SHISA7: variants seen among roughly 807,000 people sequenced by gnomAD.
SHISA7 encodes shisa family member 7.
SHISA7 carries 6 observed loss-of-function variants against 23.9 expected under a neutral mutation model. That is an observed-to-expected ratio of 0.25 (90% confidence interval 0.14 to 0.50). The LOEUF is 0.50. Among genes scored for constraint, SHISA7 ranks in the 20% least tolerant of loss-of-function variants. The probability of loss-of-function intolerance (pLI) is 0.98; values close to 1 mark genes in which losing one functional copy is unlikely to be tolerated. For missense variants in SHISA7, 671 were observed against 801.1 expected, an observed-to-expected ratio of 0.84 and a Z score of 1.96; for synonymous variants, 386 against 398.3, an observed-to-expected ratio of 0.97 and a Z score of 0.37.
chr19:55,435,331 GGTGT>G (rs1243251648), intron 3 of SHISA7, among the ~76,000 whole-genome samples: 2 of 123,388 alleles, frequency 1.6e-5, no homozygotes, highest in Non-Finnish European at 3.4e-5. Context: ...GGGTGTGTGT[GGTGT>G]GTGTGTATGG....
chr19:55,430,383 G>T lies in SHISA7; in HGVS notation c.*2773C>A, dbSNP rs1039386647. On this transcript the variant is annotated 3_prime_UTR_variant, in exon 4 of 4. Coordinates refer to ENST00000376325, the MANE Select transcript of SHISA7 (RefSeq NM_001145176.2). ...CAACTGTAAGTACCATGCGGCCCCAGAGGACAACTGAAATACAGCCCGTCA... is the reference window on the plus strand; with the variant it reads ...CAACTGTAAGTACCATGCGGCCCCATAGGACAACTGAAATACAGCCCGTCA... The T allele has an allele frequency of 2.6e-5, 4 of 152,254 alleles. No homozygotes were observed. Among genetic ancestry groups the T allele is most frequent in the Non-Finnish European group, 5.9e-5 (4 of 68,064 alleles). The allele number at this position is 152,254 out of a possible 1,614,324, so 9.4% of individuals were successfully genotyped here.
At position 55,433,010 on chromosome 19, in the gene SHISA7, G is replaced by C; in HGVS notation, c.*146C>G. 1 of 996,676 alleles carries C rather than the reference G, an allele frequency of 1.0e-6. No individual in the cohort carries two copies. The highest frequency in any genetic ancestry group is 1.4e-6 in the Non-Finnish European group (1 of 725,928). The allele number at this position is 996,676 out of a possible 1,614,324, so 61.7% of individuals were successfully genotyped here. ...AGTAATAGGAGGAGGAATCTTGTCT[G>C]CCAGGACATCCCAGAAGGAGGCTTT... On this transcript the variant is annotated 3_prime_UTR_variant, in exon 4 of 4. Coordinates refer to ENST00000376325, the MANE Select transcript of SHISA7 (RefSeq NM_001145176.2). The surrounding 1 kb of genome is among the most constrained non-coding windows in gnomAD (Gnocchi z 8.4).
At position 55,433,786 on chromosome 19, in the gene SHISA7, A is replaced by G; in HGVS notation, c.987T>C (p.Asp329=). ...YSSLKRLAEK[D]LDEAYLKRRP... Reference sequence around the variant, plus strand: ...GGCGCTTCAGGTAGGCCTCGTCCAGATCCTTCTCGGCTGCGGGGAGAGGGG... The same window carrying G: ...GGCGCTTCAGGTAGGCCTCGTCCAGGTCCTTCTCGGCTGCGGGGAGAGGGG... The change falls in exon 4 of 4, where the codon GAT becomes GAC. Residue 329 remains aspartate, a synonymous_variant. Transcript: ENST00000376325. This position sits in a 1 kb window ranked among gnomAD's most constrained non-coding sequence, Gnocchi z 8.4. 1.4e-6 allele frequency: 2 copies of G among 1,420,062 alleles called. No homozygotes were observed. Among genetic ancestry groups the G allele is most frequent in the Non-Finnish European group, 1.8e-6 (2 of 1,095,994 alleles). The allele number at this position is 1,420,062 out of a possible 1,614,324, so 88.0% of individuals were successfully genotyped here. A position where few individuals can be genotyped will look rare whatever the true frequency, so the allele number is the denominator to read the frequency against.
chr19:55,433,503 T>A lies in SHISA7; in HGVS notation c.1270A>T (p.Ser424Cys), dbSNP rs1985264362. ...LLSSPEALRQ[S>C]REHLLSPPRS... ...GGGGGCGACAGCAGGTGCTCGCGAC[T>A]CTGGCGCAGGGCCTCGGGCGAGGAC... The change falls in exon 4 of 4, where the codon AGT becomes TGT. Residue 424 changes from serine to cysteine, a missense_variant. Physicochemically the swap from Ser to Cys is moderately radical, Grantham distance 112. Transcript: ENST00000376325. This position sits in a 1 kb window ranked among gnomAD's most constrained non-coding sequence, Gnocchi z 8.4. 4.1e-6 allele frequency: 6 copies of A among 1,459,820 alleles called. No individual in the cohort carries two copies. The highest frequency in any genetic ancestry group is 5.4e-6 in the Non-Finnish European group (6 of 1,112,754). 90.4% of individuals were successfully genotyped at this position (1,459,820 alleles called of 1,614,324 possible). A position where few individuals can be genotyped will look rare whatever the true frequency, so the allele number is the denominator to read the frequency against.
In SHISA7 at chr19:55,437,663, C is replaced by A; in HGVS notation, c.918G>T (p.Pro306=). 1 of 1,551,510 alleles carries A rather than the reference C, an allele frequency of 6.4e-7. No homozygotes were observed. Among genetic ancestry groups the A allele is most frequent in the Non-Finnish European group, 8.7e-7 (1 of 1,146,938 alleles). The change falls in exon 3 of 4, where the codon CCG becomes CCT. Residue 306 remains proline, a synonymous_variant. Transcript: ENST00000376325. ...CGGATTTCACGGCAGCCTCGTAGGA[C>A]GGGGGCAGATGCGAGAGGTTGTGGA... ...RSFHNLSHLP[P]SYEAAVKSEL... is the part of the protein sequence containing the mutation.
Position 55,432,037 on chromosome 19 carries a change from T to G in SHISA7, c.*1119A>C, listed in dbSNP as rs1336165350. 2.6e-5 allele frequency: 4 copies of G among 152,284 alleles called. No individual in the cohort carries two copies. In the East Asian group the frequency reaches 7.7e-4, roughly 29 times the overall value. 9.4% of individuals were successfully genotyped at this position (152,284 alleles called of 1,614,324 possible). A position where few individuals can be genotyped will look rare whatever the true frequency, so the allele number is the denominator to read the frequency against. On this transcript the variant is annotated 3_prime_UTR_variant, in exon 4 of 4. Transcript: ENST00000376325. This position sits in a 1 kb window ranked among gnomAD's most constrained non-coding sequence, Gnocchi z 4.6. ...CACCAATACCGATGGCCTTCCAGAG[T>G]GGGCAGTGCCTCTGAGGAGGAAGCT...
chr19:55,434,140 G>C (rs948808914), intron 3 of SHISA7, among the ~76,000 whole-genome samples: 1 of 152,156 alleles, frequency 6.6e-6, no homozygotes, highest in Admixed American at 6.5e-5. Flanking sequence ...TTGATTTTGC[G>C]GGTAGTGAGC....
In SHISA7 at chr19:55,433,084, C is replaced by T. The variant is rs1985248347; in HGVS notation, c.*72G>A. 7 of 1,447,618 alleles carry T rather than the reference C, an allele frequency of 4.8e-6. No homozygotes were observed. Among genetic ancestry groups the T allele is most frequent in the Non-Finnish European group, 6.3e-6 (7 of 1,105,212 alleles). The allele number at this position is 1,447,618 out of a possible 1,614,324, so 89.7% of individuals were successfully genotyped here. On this transcript the variant is annotated 3_prime_UTR_variant, in exon 4 of 4. Transcript: ENST00000376325. This position sits in a 1 kb window ranked among gnomAD's most constrained non-coding sequence, Gnocchi z 8.4. ...GGGCCCCAGGCCCCTGGCATGTGTG[C>T]GCCTGTGTCGGGGGATCCAGGCTGG...
chr19:55,438,444 C>A, intron 2 of SHISA7: 1 of 909,128 alleles, frequency 1.1e-6, no homozygotes, highest in Non-Finnish European at 1.6e-6. Flanking sequence ...GCCATGAGGA[C>A]TGGGCTCACA....
intron 1 of SHISA7, among the ~76,000 whole-genome samples, chr19:55,441,168 C>T (rs976285765): frequency 3.9e-5 from 6 of 152,122 alleles, no homozygotes; most frequent in Admixed American, 3.9e-4. Flanking sequence ...ACCTTCATAC[C>T]TTTCAGCAAT....
intron 2 of SHISA7, among the ~76,000 whole-genome samples, chr19:55,440,375 C>G (rs759397596): frequency 2.0e-5 from 3 of 152,224 alleles, no homozygotes; most frequent in Non-Finnish European, 4.4e-5. Flanking sequence ...CACCAAGGTG[C>G]CCATGGAGCC....
rs757035877 is a variant in SHISA7 at position 55,432,405 on chromosome 19, C to G, written c.*751G>C. 3 of 152,558 alleles carry G rather than the reference C, an allele frequency of 2.0e-5. No homozygotes were observed. The highest frequency in any genetic ancestry group is 4.4e-5 in the Non-Finnish European group (3 of 68,032). The allele number at this position is 152,558 out of a possible 1,614,324, so 9.5% of individuals were successfully genotyped here. A position where few individuals can be genotyped will look rare whatever the true frequency, so the allele number is the denominator to read the frequency against. ...GGTGATGACATCACAGGAAGAGGCA[C>G]GGTCCCTCTGATGACGTCATAGGGC... On this transcript the variant is annotated 3_prime_UTR_variant, in exon 4 of 4. Transcript: ENST00000376325. This position sits in a 1 kb window ranked among gnomAD's most constrained non-coding sequence, Gnocchi z 4.6.
chr19:55,442,228 A>T lies in SHISA7; in HGVS notation c.636T>A (p.Arg212=), dbSNP rs1373885490. The T allele has an allele frequency of 6.5e-7, 1 of 1,533,760 alleles. No individual in the cohort carries two copies. The highest frequency in any genetic ancestry group is 2.0e-5 in the Admixed American group (1 of 50,908). ...TGATATCCCGGTGCGCCCGGGGCGC[A>T]CGGGACGCCTTGCTGAAGGCCACTT... ...GAKVAFSKAS[R]APRAHRDINV... The change falls in exon 1 of 4, where the codon CGT becomes CGA. Residue 212 remains arginine, a synonymous_variant. Transcript: ENST00000376325.
rs528143748 is a variant in SHISA7 at position 55,431,489 on chromosome 19, A to G, written c.*1667T>C. ...GATGGTGACACCATTGGCTATGGGG[A>G]GTCTTGGCAGATGGTGACACCATTA... On this transcript the variant is annotated 3_prime_UTR_variant, in exon 4 of 4. Coordinates refer to ENST00000376325, the MANE Select transcript of SHISA7 (RefSeq NM_001145176.2). 6.6e-6 allele frequency: 1 copy of G among 152,172 alleles called. No individual in the cohort carries two copies. The highest frequency in any genetic ancestry group is 1.9e-4 in the East Asian group (1 of 5,182). 9.4% of individuals were successfully genotyped at this position (152,172 alleles called of 1,614,324 possible).
chr19:55,434,857 G>A (rs1353540286), intron 3 of SHISA7, among the ~76,000 whole-genome samples: 3 of 98,834 alleles, frequency 3.0e-5, no homozygotes, highest in Non-Finnish European at 6.0e-5. Flanking sequence ...GTGCGTGTGT[G>A]TATATGTGGT....
Position 55,442,291 on chromosome 19 carries a change from C to T in SHISA7, c.573G>A (p.Gly191=), listed in dbSNP as rs1436560295. 4 of 1,532,762 alleles carry T rather than the reference C, an allele frequency of 2.6e-6. No individual in the cohort carries two copies. The highest frequency in any genetic ancestry group is 1.2e-5 in the South Asian group (1 of 83,940). The allele number at this position is 1,532,762 out of a possible 1,614,324, so 94.9% of individuals were successfully genotyped here. A position where few individuals can be genotyped will look rare whatever the true frequency, so the allele number is the denominator to read the frequency against. The part of the protein sequence containing the change: ...PGGSTAYVVC[G]VISFALAVGV... Reference sequence around the variant, plus strand: ...CCACGGCCAGGGCGAAGCTGATGACCCCGCACACGACGTAGGCTGTGCTGC... The same window carrying T: ...CCACGGCCAGGGCGAAGCTGATGACTCCGCACACGACGTAGGCTGTGCTGC... Residue 191 remains glycine, a synonymous_variant, in exon 1 of 4, where the codon GGG becomes GGA. Coordinates refer to ENST00000376325, the MANE Select transcript of SHISA7 (RefSeq NM_001145176.2).
chr19:55,434,643 T>G, intron 3 of SHISA7, among the ~76,000 whole-genome samples: 1 of 71,602 alleles, frequency 1.4e-5, no homozygotes, highest in Non-Finnish European at 2.9e-5. Flanking sequence ...TGTGTGGTTG[T>G]GTGTATGGTG....
rs750845510 is a variant in SHISA7, at chr19:55,430,161, G to C, written c.*2995C>G. 2 of 152,220 alleles carry C rather than the reference G, an allele frequency of 1.3e-5. No individual in the cohort carries two copies. Among genetic ancestry groups the C allele is most frequent in the African/African-American group, 4.8e-5 (2 of 41,420 alleles). 9.4% of individuals were successfully genotyped at this position (152,220 alleles called of 1,614,324 possible). On this transcript the variant is annotated 3_prime_UTR_variant, in exon 4 of 4. Transcript: ENST00000376325. ...TCAGGAGGGGCCTGGGTGCCTCACC[G>C]GGGGGTAAGGTGAGGTTGGCTGAGG...
chr19:55,439,246 A>G (rs1985538651), intron 2 of SHISA7, among the ~76,000 whole-genome samples: 1 of 152,204 alleles, frequency 6.6e-6, no homozygotes, highest in Non-Finnish European at 1.5e-5. Flanking sequence ...GTCCTGCCAC[A>G]GGGCCTTTGC....
Sources: gnomAD v4.1 joint callset for allele counts (sites outside exome capture counted in the v4.1 genomes callset) on GRCh38, gnomAD v4.1.1 for gene constraint, Gnocchi (gnomAD v3.1) non-coding constraint, MANE v1.5 for transcripts, NCBI Gene and HGNC (gene_info 2026-07-23, HGNC 2026-07-21) for gene names.